Variants in FAF1 observed in about 807,000 individuals in gnomAD.
FAF1 encodes Fas associated factor 1.
Under a neutral mutation model 92.5 loss-of-function variants are expected in FAF1, and 25 were observed. The ratio of observed to expected loss-of-function variants is 0.27; its 90% confidence interval spans 0.20 to 0.38. The LOEUF (loss-of-function observed/expected upper bound fraction) is 0.38. Among genes scored for constraint, FAF1 ranks in the 10% least tolerant of loss-of-function variants. FAF1 has a pLI of 1.00. For missense variants in FAF1, 636 were observed against 793.3 expected, an observed-to-expected ratio of 0.80 and a Z score of 2.38; for synonymous variants, 234 against 273.2, an observed-to-expected ratio of 0.86 and a Z score of 1.42.
intron 7 of FAF1, among the ~76,000 whole-genome samples, chr1:50,672,379 T>C (rs552699456): frequency 2.0e-5 from 3 of 151,670 alleles, no homozygotes; most frequent in South Asian, 2.1e-4. Flanking sequence ...TTGAGATGGA[T>C]TTATTAACAT....
chr1:50,840,318 G>T (rs1045098854), intron 2 of FAF1, among the ~76,000 whole-genome samples: 1 of 151,682 alleles, frequency 6.6e-6, no homozygotes, highest in East Asian at 1.9e-4. Context: ...TGAAATGGCC[G>T]GCCACATACC....
chr1:50,621,014 C>G (rs1387020867), intron 8 of FAF1, among the ~76,000 whole-genome samples: 1 of 152,244 alleles, frequency 6.6e-6, no homozygotes, highest in African/African-American at 2.4e-5. Flanking sequence ...CTTTCCGGAC[C>G]AGCCCTGTGG....
At chr1:50,509,061 T>C (rs1647098663) in intron 15 of FAF1, among the ~76,000 whole-genome samples, 1 of 152,144 alleles carries the variant, frequency 6.6e-6, no homozygotes, top group South Asian at 2.1e-4. Flanking sequence ...CCTAAAAAAA[T>C]TATCAAAATT....
At chr1:50,836,785 C>G (rs1212444415) in intron 2 of FAF1, among the ~76,000 whole-genome samples, 1 of 152,024 alleles carries the variant, frequency 6.6e-6, no homozygotes, top group Non-Finnish European at 1.5e-5. Context: ...TTATGACACT[C>G]TGTCCCAGCA....
chr1:50,612,946 T>C (rs1441780995), intron 8 of FAF1, among the ~76,000 whole-genome samples: 2 of 152,224 alleles, frequency 1.3e-5, no homozygotes, highest in African/African-American at 4.8e-5. Context: ...TGTATCTGTG[T>C]TTAGGTGACT....
chr1:50,786,074 G>A (rs1162831589), intron 4 of FAF1, among the ~76,000 whole-genome samples: 2 of 151,878 alleles, frequency 1.3e-5, no homozygotes, highest in Admixed American at 6.6e-5. Flanking sequence ...TGAGGCTACA[G>A]TGAGCCGCGA....
At chr1:50,722,506 A>T (rs1198301645) in intron 6 of FAF1, among the ~76,000 whole-genome samples, 1 of 152,088 alleles carries the variant, frequency 6.6e-6, no homozygotes, top group Non-Finnish European at 1.5e-5. Flanking sequence ...AACATTAGCC[A>T]GGCGTGGCGG....
chr1:50,468,754 C>T (rs923280728), intron 18 of FAF1, among the ~76,000 whole-genome samples: 70 of 151,968 alleles, frequency 4.6e-4, no homozygotes, highest in African/African-American at 1.5e-3. Flanking sequence ...CCACCACGCC[C>T]GGCCTAATTT....
chr1:50,946,027 G>A (rs1645170086), intron 1 of FAF1, among the ~76,000 whole-genome samples: 1 of 152,216 alleles, frequency 6.6e-6, no homozygotes, highest in Non-Finnish European at 1.5e-5. Flanking sequence ...CTGAGCTGAC[G>A]GCTTTGCTTC....
chr1:50,452,658 C>A (rs1646307855), intron 18 of FAF1, among the ~76,000 whole-genome samples: 1 of 152,098 alleles, frequency 6.6e-6, no homozygotes, highest in South Asian at 2.1e-4. Flanking sequence ...AGGGGAGACA[C>A]CTGTTTTCTG....
chr1:50,499,810 A>G (rs1436306849), intron 15 of FAF1, among the ~76,000 whole-genome samples: 2 of 152,124 alleles, frequency 1.3e-5, no homozygotes, highest in African/African-American at 2.4e-5. Context: ...GAAATTTGTT[A>G]CTGGTTGTGG....
intron 7 of FAF1, among the ~76,000 whole-genome samples, chr1:50,697,277 C>T (rs1657274679): frequency 6.6e-6 from 1 of 152,184 alleles, no homozygotes; most frequent in Admixed American, 6.5e-5. Flanking sequence ...CACTCTAATA[C>T]TTAGCCATGA....
chr1:50,931,888 AAATAATAATAATAATAATAAT>A (rs201964842), intron 1 of FAF1, among the ~76,000 whole-genome samples: 1 of 129,502 alleles, frequency 7.7e-6, no homozygotes, highest in Non-Finnish European at 1.6e-5. Context: ...ATAAATAAAT[AAATAATAATAATAATAATAAT>A]AATAATAATA....
intron 13 of FAF1, among the ~76,000 whole-genome samples, chr1:50,562,378 C>T (rs958256663): frequency 1.8e-4 from 27 of 152,086 alleles, no homozygotes; most frequent in Non-Finnish European, 5.9e-5. Flanking sequence ...ATTAGCTAGC[C>T]AGCTCCCTCT....
intron 4 of FAF1, among the ~76,000 whole-genome samples, chr1:50,778,169 T>C (rs1465797857): frequency 6.6e-6 from 1 of 152,224 alleles, no homozygotes; most frequent in African/African-American, 2.4e-5. Flanking sequence ...TTAAACACAG[T>C]ATACAATGTA....
chr1:50,925,988 G>C (rs1385877402), intron 1 of FAF1, among the ~76,000 whole-genome samples: 2 of 152,202 alleles, frequency 1.3e-5, no homozygotes, highest in South Asian at 4.1e-4. Context: ...GGCTGAGGCA[G>C]GAGGGTCGCT....
At chr1:50,794,842 G>A (rs1288264700) in intron 3 of FAF1, among the ~76,000 whole-genome samples, 2 of 131,722 alleles carry the variant, frequency 1.5e-5, no homozygotes, top group African/African-American at 2.9e-5. Context: ...TCACTATGTT[G>A]GCCAGGCTGG....
chr1:50,558,694 C>T lies in FAF1; in HGVS notation c.1268+8383G>A, dbSNP rs1649717304. Among the ~76,000 whole-genome samples, 4 of 152,140 alleles carry T rather than the reference C, an allele frequency of 2.6e-5. No homozygotes were observed. In the South Asian group the frequency reaches 8.3e-4, roughly 32 times the overall value. On this transcript the variant is annotated intron_variant, in intron 13 of 18. Transcript: ENST00000396153. The stretch of plus-strand genomic sequence containing the variant: ...CAATAATATCACCTTTGTATCTTAG[C>T]TTCTAACAACAGTTTTCATAGGCTA...
rs772851545 is a variant in FAF1, at chr1:50,828,805, A to C, written c.115-27128T>G. 1.4e-4 allele frequency among the ~76,000 whole-genome samples: 22 copies of C among 152,342 alleles called. No individual in the cohort carries two copies. In the Middle Eastern group the frequency reaches 0.014, roughly 94 times the overall value. On this transcript the variant is annotated intron_variant, in intron 2 of 18. Coordinates refer to ENST00000396153, the MANE Select transcript of FAF1 (RefSeq NM_007051.3). Reference sequence around the variant, plus strand: ...GAACAAAATCAATAAAGGAAAGAATAAACTGAACTACACTAAAATTAGTTA... The same window carrying C: ...GAACAAAATCAATAAAGGAAAGAATCAACTGAACTACACTAAAATTAGTTA...
Sources: gnomAD v4.1 joint callset for allele counts (sites outside exome capture counted in the v4.1 genomes callset) on GRCh38, gnomAD v4.1.1 for gene constraint, MANE v1.5 for transcripts, NCBI Gene and HGNC (gene_info 2026-07-23, HGNC 2026-07-21) for gene names.